The following IRAG2 variants were observed in gnomAD, a reference collection of about 807,000 sequenced individuals.
IRAG2 encodes lymphoid restricted membrane protein.
A neutral mutation model predicts 69.9 loss-of-function variants in IRAG2; 45 were observed. The observed-to-expected ratio is 0.64, with a 90% confidence interval of 0.51 to 0.83. The LOEUF (loss-of-function observed/expected upper bound fraction) is 0.83. IRAG2 is among the 40% of genes least tolerant of loss of function. The probability of loss-of-function intolerance (pLI) is 0.00; values close to 1 mark genes in which losing one functional copy is unlikely to be tolerated. For synonymous variants in IRAG2, 193 were observed against 202.4 expected (o/e 0.95, Z 0.40); for missense variants, 520 against 587.0 (o/e 0.89, Z 1.18).
intron 10 of IRAG2, among the ~76,000 whole-genome samples, chr12:25,031,884 C>T (rs1944670538): frequency 6.6e-6 from 1 of 152,064 alleles, no homozygotes; most frequent in Non-Finnish European, 1.5e-5. Flanking sequence ...CTGGTCTGGA[C>T]CTCCCGACCT....
In IRAG2 at chr12:25,108,253, A is replaced by C; in HGVS notation, c.*193A>C. The stretch of plus-strand genomic sequence containing the variant: ...ACAATGGGGAAGAAGTCTGCCTATG[A>C]TCTTTGAATGAGCTTTTTAAGGAAG... On this transcript the variant is annotated 3_prime_UTR_variant, in exon 22 of 22. Transcript: ENST00000556887. 1 of 605,674 alleles carries C rather than the reference A, an allele frequency of 1.7e-6. No individual in the cohort carries two copies. The highest frequency in any genetic ancestry group is 2.8e-5 in the East Asian group (1 of 35,602). 37.5% of individuals were successfully genotyped at this position (605,674 alleles called of 1,614,324 possible).
At chr12:25,066,305 T>C in intron 4 of IRAG2, 60 bp from the exon 5 acceptor site, 2 of 400,242 alleles carry the variant, frequency 5.0e-6, no homozygotes, top group Non-Finnish European at 8.9e-6. Context: ...GACTTTATGC[T>C]TCAATATAGT....
intron 3 of IRAG2, among the ~76,000 whole-genome samples, chr12:25,013,572 G>A (rs1469442915): frequency 6.6e-6 from 1 of 152,136 alleles, no homozygotes. Context: ...TGCTAATATA[G>A]AAGGTAGAAG....
At chr12:24,999,839 ACAGC>A (rs1944378174), upstream of IRAG2, among the ~76,000 whole-genome samples, 1 of 151,920 alleles carries the variant, frequency 6.6e-6, no homozygotes, top group African/African-American at 2.4e-5. Context: ...AAAATACAAG[ACAGC>A]CAGTGAAATT....
intron 5 of IRAG2, chr12:25,015,527 CT>C (rs1232372374): frequency 9.4e-6 from 7 of 741,358 alleles, no homozygotes; most frequent in Non-Finnish European, 9.2e-6. Context: ...TCACTTTGCT[CT>C]TTTTTTGCAG....
intron 6 of IRAG2, 133 bp downstream of exon 6, chr12:25,069,564 C>T (rs771652594): frequency 2.0e-5 from 15 of 762,190 alleles, no homozygotes; most frequent in Non-Finnish European, 2.7e-5. Flanking sequence ...TCTGAGTCTG[C>T]TATTCCAAAA....
chr12:25,007,744 A>C (rs1392993588), intron 2 of IRAG2, among the ~76,000 whole-genome samples: 1 of 151,872 alleles, frequency 6.6e-6, no homozygotes, highest in African/African-American at 2.4e-5. Flanking sequence ...CTAGTCTCGA[A>C]CTCCTGACCT....
chr12:25,013,598 G>A (rs73067066), intron 3 of IRAG2, among the ~76,000 whole-genome samples: 8,138 of 152,086 alleles, frequency 0.054, 426 homozygotes, highest in African/African-American at 0.14. Context: ...TTATGACAGT[G>A]ATAAATACAA....
intron 7 of IRAG2, among the ~76,000 whole-genome samples, chr12:25,022,365 A>G (rs1944588439): frequency 6.6e-6 from 1 of 152,100 alleles, no homozygotes; most frequent in Non-Finnish European, 1.5e-5. Flanking sequence ...GTGGTGACAC[A>G]CACTTGTAAT....
At chr12:25,021,091 C>CTTTTTTTTTTTTT (rs71063389) in intron 7 of IRAG2, 88 of 265,894 alleles carry the variant, frequency 3.3e-4, no homozygotes, top group Admixed American at 6.6e-4. Flanking sequence ...TCTTTCTTTT[C>CTTTTTTTTTTTTT]TTTTTTTTTT....
intron 5 of IRAG2, among the ~76,000 whole-genome samples, chr12:25,016,955 A>C (rs1944534270): frequency 6.6e-6 from 1 of 152,108 alleles, no homozygotes; most frequent in Non-Finnish European, 1.5e-5. Context: ...TATTGTAATA[A>C]AATCTGAATA....
At chr12:25,105,367 C>A (rs1194556525) in intron 20 of IRAG2, among the ~76,000 whole-genome samples, 1 of 152,102 alleles carries the variant, frequency 6.6e-6, no homozygotes, top group South Asian at 2.1e-4. Context: ...TGAGCCACTG[C>A]GCCCGGCCTT....
chr12:24,997,729 G>T, the IRAG2 span: 2 of 152,550 alleles, frequency 1.3e-5, no homozygotes, highest in Non-Finnish European at 2.9e-5. Context: ...GATGTAGGCT[G>T]TTCTGTTGTG....
In IRAG2 at chr12:25,107,848, C is replaced by CTCAAG; in HGVS notation, c.1291_1295dup (p.Ile434ProfsTer23). The CTCAAG allele has an allele frequency of 6.2e-7, 1 of 1,613,878 alleles. No individual in the cohort carries two copies. The highest frequency in any genetic ancestry group is 8.5e-7 in the Non-Finnish European group (1 of 1,179,738). The stretch of plus-strand genomic sequence containing the variant: ...CACAATAGCTTCCTGGGCAACAAAT[C>CTCAAG]TCAAGTCCTCCATCAGAAAGGCTAA... On this transcript the variant is annotated frameshift_variant, in exon 22 of 22. Transcript: ENST00000556887. LOFTEE classifies it low-confidence loss of function (END_TRUNC).
intron 1 of IRAG2, among the ~76,000 whole-genome samples, chr12:25,054,857 A>G (rs1401221178): frequency 1.3e-5 from 2 of 152,298 alleles, no homozygotes; most frequent in East Asian, 3.9e-4. Flanking sequence ...ACGTATTTTC[A>G]AAATGTTCTA....
intron 14 of IRAG2, among the ~76,000 whole-genome samples, chr12:25,094,496 A>T (rs187729430): frequency 6.6e-6 from 1 of 152,242 alleles, no homozygotes; most frequent in African/African-American, 2.4e-5. Context: ...AATATGTTTT[A>T]AAATTAGGAA....
intron 6 of IRAG2, among the ~76,000 whole-genome samples, chr12:25,075,162 T>C (rs915725236): frequency 6.6e-6 from 1 of 152,236 alleles, no homozygotes; most frequent in Non-Finnish European, 1.5e-5. Context: ...CCAGTAGTTC[T>C]AATCTTTTAA....
At chr12:25,005,930 T>C (rs1944426906) in intron 2 of IRAG2, among the ~76,000 whole-genome samples, 1 of 152,074 alleles carries the variant, frequency 6.6e-6, no homozygotes, top group Admixed American at 6.6e-5. Flanking sequence ...AAACTGTCAA[T>C]AGAGTAAATA....
At chr12:25,017,437 G>T in intron 6 of IRAG2, 1 of 812,386 alleles carries the variant, frequency 1.2e-6, no homozygotes. Context: ...ATATTCTCTG[G>T]CTGGGCATGG....
Sources: gnomAD v4.1 joint callset for allele counts (sites outside exome capture counted in the v4.1 genomes callset) on GRCh38, gnomAD v4.1.1 for gene constraint, MANE v1.5 for transcripts, NCBI Gene and HGNC (gene_info 2026-07-23, HGNC 2026-07-21) for gene names.